SH3GL3: variants seen among roughly 807,000 people sequenced by gnomAD.
The protein encoded by SH3GL3 is SH3 domain containing GRB2 like 3, endophilin A3, also known as endophilin-A3.
A neutral mutation model predicts 47.7 loss-of-function variants in SH3GL3; 33 were observed. That is an observed-to-expected ratio of 0.69 (90% CI 0.52 to 0.92). The LOEUF is 0.92. SH3GL3 is among the 40% of genes least tolerant of loss of function. The pLI is 0.00. For missense variants in SH3GL3, 363 were observed against 417.8 expected, an observed-to-expected ratio of 0.87 and a Z score of 1.14; for synonymous variants, 155 against 148.8, an observed-to-expected ratio of 1.04 and a Z score of -0.30.
chr15:83,540,798 G>A (rs2044117509), intron 1 of SH3GL3, among the ~76,000 whole-genome samples: 1 of 152,056 alleles, frequency 6.6e-6, no homozygotes, highest in African/African-American at 2.4e-5. Context: ...CATTCTAATT[G>A]TACTTCCTCA....
intron 8 of SH3GL3, among the ~76,000 whole-genome samples, chr15:83,591,275 T>C (rs575798398): frequency 6.6e-6 from 1 of 152,314 alleles, no homozygotes; most frequent in East Asian, 1.9e-4. Flanking sequence ...CCCAAAGTGC[T>C]GGGATTACAG....
chr15:83,571,060 T>C (rs934552896), intron 4 of SH3GL3, among the ~76,000 whole-genome samples: 1 of 152,196 alleles, frequency 6.6e-6, no homozygotes. Flanking sequence ...ATTTCTGCTC[T>C]TCCAAGGAAG....
At chr15:83,554,803 C>A (rs190714958) in intron 1 of SH3GL3, among the ~76,000 whole-genome samples, 2 of 152,104 alleles carry the variant, frequency 1.3e-5, no homozygotes, top group Admixed American at 6.5e-5. Context: ...TTTTCCCCTG[C>A]GATAGTTTTA....
intron 8 of SH3GL3, among the ~76,000 whole-genome samples, chr15:83,607,876 TAATACAA>T (rs1269620273): frequency 1.4e-5 from 2 of 139,616 alleles, no homozygotes; most frequent in African/African-American, 2.8e-5. Context: ...ATAATAATAA[TAATACAA>T]ACAACAACAA....
chr15:83,461,394 G>A (rs2040292334), intron 1 of SH3GL3, among the ~76,000 whole-genome samples: 1 of 152,060 alleles, frequency 6.6e-6, no homozygotes, highest in Non-Finnish European at 1.5e-5. Context: ...TTAATTACAT[G>A]GGACTAAACT....
chr15:83,492,817 G>A (rs919128788), intron 1 of SH3GL3, among the ~76,000 whole-genome samples: 1 of 152,188 alleles, frequency 6.6e-6, no homozygotes, highest in Non-Finnish European at 1.5e-5. Flanking sequence ...CAGCAGTAAC[G>A]AACCCTTTGT....
chr15:83,478,992 C>T (rs1037578781), intron 1 of SH3GL3, among the ~76,000 whole-genome samples: 2 of 152,208 alleles, frequency 1.3e-5, no homozygotes, highest in African/African-American at 4.8e-5. Flanking sequence ...TTCTACTCTT[C>T]TCTGGGTTCC....
chr15:83,587,349 C>T (rs181239844), intron 7 of SH3GL3, among the ~76,000 whole-genome samples: 24 of 151,688 alleles, frequency 1.6e-4, no homozygotes, highest in African/African-American at 5.8e-4. Flanking sequence ...TTTTGTGACC[C>T]GTGTTTAGGG....
chr15:83,508,055 C>T (rs1357172565), intron 1 of SH3GL3, among the ~76,000 whole-genome samples: 1 of 151,930 alleles, frequency 6.6e-6, no homozygotes, highest in Non-Finnish European at 1.5e-5. Context: ...GATTCTCCTG[C>T]CTCAGCCTCC....
chr15:83,544,457 T>G, intron 1 of SH3GL3, among the ~76,000 whole-genome samples: 1 of 152,162 alleles, frequency 6.6e-6, no homozygotes. Flanking sequence ...TGTAAATATC[T>G]ATGAGGTCCA....
chr15:83,576,885 C>A, intron 6 of SH3GL3, 144 bp downstream of exon 6: 3 of 328,546 alleles, frequency 9.1e-6, no homozygotes, highest in Non-Finnish European at 1.7e-5. Flanking sequence ...TACACTAATA[C>A]TAATAATAGC....
chr15:83,622,449 T>C (rs188357540), downstream of SH3GL3, among the ~76,000 whole-genome samples: 23 of 152,366 alleles, frequency 1.5e-4, no homozygotes, highest in African/African-American at 5.3e-4. Context: ...CTTAGCTGTC[T>C]TGTTTGGTTA....
At chr15:83,495,938 C>T (rs2042058168) in intron 1 of SH3GL3, among the ~76,000 whole-genome samples, 1 of 151,664 alleles carries the variant, frequency 6.6e-6, no homozygotes, top group Non-Finnish European at 1.5e-5. Flanking sequence ...TTAATTGCTC[C>T]CATGATACAT....
At chr15:83,461,124 T>C (rs969201049) in intron 1 of SH3GL3, among the ~76,000 whole-genome samples, 1 of 152,104 alleles carries the variant, frequency 6.6e-6, no homozygotes, top group Non-Finnish European at 1.5e-5. Context: ...AGTAACTAAA[T>C]TTCCTTGTTA....
chr15:83,611,100 C>A (rs2060651463), intron 8 of SH3GL3, among the ~76,000 whole-genome samples: 1 of 151,194 alleles, frequency 6.6e-6, no homozygotes, highest in South Asian at 2.1e-4. Flanking sequence ...AATAATGTTC[C>A]TGCTGTTAAA....
At chr15:83,517,170 A>C (rs2043013456) in intron 1 of SH3GL3, among the ~76,000 whole-genome samples, 2 of 150,522 alleles carry the variant, frequency 1.3e-5, no homozygotes, top group Non-Finnish European at 3.0e-5. Flanking sequence ...ATTGTTTTCC[A>C]TGTGACTTTC....
At chr15:83,601,053 T>C (rs191226987) in intron 8 of SH3GL3, among the ~76,000 whole-genome samples, 125 of 152,348 alleles carry the variant, frequency 8.2e-4, no homozygotes, top group South Asian at 7.1e-3. Flanking sequence ...CCTGAAACTT[T>C]GCTGAATTCA....
chr15:83,617,328 A>G (rs1216228969), intron 8 of SH3GL3, among the ~76,000 whole-genome samples: 1 of 151,966 alleles, frequency 6.6e-6, no homozygotes, highest in Non-Finnish European at 1.5e-5. Context: ...CCTCCCTACT[A>G]CCCTCTCCCC....
At chr15:83,548,574 T>C (rs1041092666) in intron 1 of SH3GL3, among the ~76,000 whole-genome samples, 2 of 152,042 alleles carry the variant, frequency 1.3e-5, no homozygotes, top group African/African-American at 4.8e-5. Context: ...TGACAGGGAA[T>C]AGAATCTAAG....
Sources: gnomAD v4.1 joint callset for allele counts (sites outside exome capture counted in the v4.1 genomes callset) on GRCh38, gnomAD v4.1.1 for gene constraint, MANE v1.5 for transcripts, NCBI Gene and HGNC (gene_info 2026-07-23, HGNC 2026-07-21) for gene names.